CT47C1: variants seen among roughly 807,000 people sequenced by gnomAD.
CT47C1 encodes the protein cancer/testis antigen family 47 member C1, also known as cancer/testis antigen family 47 member A11 pseudogene.
chrX:119,073,354 T>C, the CT47C1 span: 1 of 533,056 alleles, frequency 1.9e-6, no homozygotes, highest in Non-Finnish European at 3.4e-6. Context: ...GTGGCAACAC[T>C]GTGGCCGGAG....
At chrX:119,073,598 C>T in the CT47C1 span, 5 of 543,885 alleles carry the variant, frequency 9.2e-6, no homozygotes, top group South Asian at 2.5e-5. Flanking sequence ...AAGAGGCTTT[C>T]GCATGGAGTT....
chrX:119,076,743 T>G, the CT47C1 span, among the ~76,000 whole-genome samples: 1 of 112,582 alleles, frequency 8.9e-6, no homozygotes, highest in Non-Finnish European at 1.9e-5. Flanking sequence ...ATGATAATAC[T>G]TGAATTAAAA....
chrX:119,074,845 G>A, the CT47C1 span: 2 of 833,748 alleles, frequency 2.4e-6, no homozygotes, highest in Non-Finnish European at 3.4e-6. Context: ...TCTTAGTTAA[G>A]TCTATCCTCC....
At chrX:119,073,995 C>CAGAGGAACCGGCCAA in the CT47C1 span, 2 of 672,251 alleles carry the variant, frequency 3.0e-6, no homozygotes, top group Non-Finnish European at 4.6e-6. Context: ...GAGGAGGCCG[C>CAGAGGAACCGGCCAA]AGAGGAACCG....
At chrX:119,074,848 T>C in the CT47C1 span, 1 of 842,180 alleles carries the variant, frequency 1.2e-6, no homozygotes, top group Non-Finnish European at 1.7e-6. Context: ...TAGTTAAGTC[T>C]ATCCTCCTGC....
the CT47C1 span, chrX:119,073,485 T>TGGA: frequency 2.0e-6 from 1 of 509,369 alleles, no homozygotes; most frequent in Non-Finnish European, 3.5e-6. Flanking sequence ...GTGGAGATGG[T>TGGA]GGAGGAGGAG....
At chrX:119,075,230 A>T in the CT47C1 span, 1 of 923,719 alleles carries the variant, frequency 1.1e-6, no homozygotes. Flanking sequence ...TTAGTTTAAA[A>T]ATTCAATTTA....
chrX:119,076,182 G>A, the CT47C1 span: 1 of 112,584 alleles, frequency 8.9e-6, no homozygotes, highest in African/African-American at 3.2e-5. Flanking sequence ...ATAGAAAGAA[G>A]ATGAAGAAAG....
At chrX:119,075,806 C>T in the CT47C1 span, among the ~76,000 whole-genome samples, 1 of 104,756 alleles carries the variant, frequency 9.5e-6, no homozygotes, top group Non-Finnish European at 1.9e-5. Context: ...GATATGGAAA[C>T]CAAGGGTCTG....
the CT47C1 span, chrX:119,073,229 T>C: frequency 2.1e-6 from 1 of 479,379 alleles, no homozygotes; most frequent in African/African-American, 2.4e-5. Flanking sequence ...TGGCGTCATG[T>C]CTGCCACAGG....
chrX:119,073,655 C>T, the CT47C1 span: 1 of 581,278 alleles, frequency 1.7e-6, no homozygotes, highest in Non-Finnish European at 2.9e-6. Context: ...TCACAACGAC[C>T]ACATCCTGAT....
the CT47C1 span, chrX:119,073,676 G>A: frequency 6.7e-6 from 4 of 601,172 alleles, no homozygotes; most frequent in Middle Eastern, 6.3e-4. Flanking sequence ...CAGGATGCGT[G>A]GCGGCCGCCT....
the CT47C1 span, chrX:119,073,371 G>A: frequency 5.6e-6 from 3 of 535,387 alleles, no homozygotes; most frequent in South Asian, 4.9e-5. Context: ...GGAGTCGCAG[G>A]GCCCATGAGA....
At chrX:119,076,481 C>T in the CT47C1 span, 2 of 112,313 alleles carry the variant, frequency 1.8e-5, no homozygotes, top group African/African-American at 6.5e-5. Flanking sequence ...TTACTTTCCA[C>T]CATTTAGTAA....
At chrX:119,073,703 A>C in the CT47C1 span, 1 of 690,241 alleles carries the variant, frequency 1.4e-6, no homozygotes, top group East Asian at 3.4e-5. Context: ...GAGGCGCCGC[A>C]CTGCGGCGCC....
chrX:119,074,730 T>A, the CT47C1 span, among the ~76,000 whole-genome samples: 7 of 110,560 alleles, frequency 6.3e-5, no homozygotes, highest in Non-Finnish European at 1.1e-4. Context: ...GGAGATTTAC[T>A]GGAAAAAAGG....
chrX:119,073,268 G>A, the CT47C1 span: 5 of 499,149 alleles, frequency 1.0e-5, no homozygotes, highest in Middle Eastern at 1.0e-3. Context: ...AGAGGACCAG[G>A]AGGCTCCAGT....
the CT47C1 span, among the ~76,000 whole-genome samples, chrX:119,074,668 A>G: frequency 9.0e-6 from 1 of 111,280 alleles, no homozygotes; most frequent in Non-Finnish European, 1.9e-5. Flanking sequence ...ATCAGACACC[A>G]TGATTCTGAT....
chrX:119,075,095 G>A, the CT47C1 span: 21 of 1,080,998 alleles, frequency 1.9e-5, no homozygotes, highest in Non-Finnish European at 2.4e-5. Context: ...CAGCAGAGGG[G>A]AAGCTGAGAA....
Sources: gnomAD v4.1 joint callset for allele counts (sites outside exome capture counted in the v4.1 genomes callset) on GRCh38, gnomAD v4.1.1 for gene constraint, MANE v1.5 for transcripts, NCBI Gene and HGNC (gene_info 2026-07-23, HGNC 2026-07-21) for gene names.